Variants in RTN3 observed in about 807,000 individuals in gnomAD.
RTN3 encodes reticulon 3, also known as reticulon-3.
RTN3 carries 49 observed loss-of-function variants against 77.8 expected under a neutral mutation model. The observed-to-expected ratio is 0.63, with a 90% CI of 0.50 to 0.80. RTN3 has a LOEUF of 0.80. Ranked by LOEUF, RTN3 falls within the 30% of genes least tolerant of loss-of-function variation. RTN3 has a pLI of 0.00. For synonymous variants in RTN3, 464 were observed against 446.9 expected (o/e 1.04, Z -0.48); for missense variants, 1,236 against 1,211.9 (o/e 1.02, Z -0.29).
Position 63,704,849 on chromosome 11 carries a change from A to C in RTN3, c.143-2A>C, listed in dbSNP as rs1265541524. On this transcript the variant is annotated splice_acceptor_variant, in intron 1 of 8. Coordinates refer to ENST00000377819, the MANE Select transcript of RTN3 (RefSeq NM_001265589.2). LOFTEE classifies it high-confidence loss of function. ...ATTCTCATGCTGTATATTTTCTTTC[A>C]GATTCCTTTGTTTCTTCCTCTTCCT... The C allele has an allele frequency of 6.2e-6, 10 of 1,606,174 alleles. No individual in the cohort carries two copies. The highest frequency in any genetic ancestry group is 8.5e-6 in the Non-Finnish European group (10 of 1,173,246).
At chr11:63,744,659 A>T (rs2013692966) in intron 3 of RTN3, among the ~76,000 whole-genome samples, 1 of 152,160 alleles carries the variant, frequency 6.6e-6, no homozygotes, top group Admixed American at 6.6e-5. Flanking sequence ...ACTGTACTAT[A>T]CTCAGCCAGA....
chr11:63,715,278 C>T (rs2011325785), intron 2 of RTN3, among the ~76,000 whole-genome samples: 1 of 152,164 alleles, frequency 6.6e-6, no homozygotes, highest in African/African-American at 2.4e-5. Context: ...TCAATAAATA[C>T]CTGTTGAATT....
Position 63,684,839 on chromosome 11 carries a change from A to C in RTN3, c.142+3061A>C, listed in dbSNP as rs573083. ...CAGTGGTGTGATCTTGGCTCACTGC[A>C]ACCTCTGTCTCCTGGGCTCAAACCA... is the stretch of plus-strand genomic sequence containing the variant. On this transcript the variant is annotated intron_variant, in intron 1 of 8. Coordinates refer to ENST00000377819, the MANE Select transcript of RTN3 (RefSeq NM_001265589.2). Among the ~76,000 whole-genome samples the C allele has an allele frequency of 6.6e-3, 1,006 of 152,256 alleles. 11 individuals carry two copies. The highest frequency in any genetic ancestry group is 0.023 in the African/African-American group (952 of 41,560).
intron 3 of RTN3, among the ~76,000 whole-genome samples, chr11:63,737,080 C>A (rs1160450180): frequency 6.6e-6 from 1 of 151,940 alleles, no homozygotes; most frequent in Non-Finnish European, 1.5e-5. Flanking sequence ...GGGATCCTCC[C>A]ACCTCAGCCT....
chr11:63,716,377 C>T (rs772007584), intron 2 of RTN3, among the ~76,000 whole-genome samples: 9 of 152,228 alleles, frequency 5.9e-5, no homozygotes, highest in Non-Finnish European at 8.8e-5. Context: ...AAGAACTTCT[C>T]TGTCACATTT....
chr11:63,755,199 C>G (rs1015961614), intron 7 of RTN3, among the ~76,000 whole-genome samples: 8 of 152,056 alleles, frequency 5.3e-5, no homozygotes, highest in Admixed American at 2.0e-4. Context: ...CACACAGTTT[C>G]TAGTCATTGG....
chr11:63,727,762 C>T (rs920130999), intron 3 of RTN3, among the ~76,000 whole-genome samples: 1 of 152,058 alleles, frequency 6.6e-6, no homozygotes, highest in East Asian at 1.9e-4. Flanking sequence ...ATCACTTGAG[C>T]CCAGGAGTGC....
chr11:63,730,843 T>C (rs1425898202), intron 3 of RTN3, among the ~76,000 whole-genome samples: 2 of 152,000 alleles, frequency 1.3e-5, no homozygotes, highest in South Asian at 2.1e-4. Flanking sequence ...TAAGGAGATA[T>C]ATTGGCAATC....
chr11:63,688,835 T>TG (rs1431730930), intron 1 of RTN3, among the ~76,000 whole-genome samples: 1 of 152,156 alleles, frequency 6.6e-6, no homozygotes, highest in Admixed American at 6.5e-5. Context: ...CCTTGTAAAA[T>TG]GAAGTTTGGT....
intron 4 of RTN3, among the ~76,000 whole-genome samples, chr11:63,751,729 C>T (rs764169828): frequency 6.6e-6 from 1 of 152,110 alleles, no homozygotes; most frequent in Non-Finnish European, 1.5e-5. Context: ...CGGTGACTTA[C>T]GCATGTAGTC....
At chr11:63,713,516 G>T (rs1035358117) in intron 2 of RTN3, among the ~76,000 whole-genome samples, 3 of 151,976 alleles carry the variant, frequency 2.0e-5, no homozygotes, top group Non-Finnish European at 4.4e-5. Context: ...GCACTGTGTT[G>T]CCCAGGCTGG....
At chr11:63,730,718 G>C (rs1335905460) in intron 3 of RTN3, among the ~76,000 whole-genome samples, 1 of 152,146 alleles carries the variant, frequency 6.6e-6, no homozygotes, top group Non-Finnish European at 1.5e-5. Flanking sequence ...TACTCAGGAG[G>C]CTGAGGCGGA....
chr11:63,740,524 C>A (rs770867461), intron 3 of RTN3, among the ~76,000 whole-genome samples: 2 of 148,946 alleles, frequency 1.3e-5, no homozygotes, highest in Non-Finnish European at 3.0e-5. Flanking sequence ...ATCTCAAACT[C>A]CTGACCTCGT....
intron 3 of RTN3, among the ~76,000 whole-genome samples, chr11:63,735,836 A>G (rs746279858): frequency 1.3e-5 from 2 of 152,106 alleles, no homozygotes; most frequent in Non-Finnish European, 2.9e-5. Context: ...CACCAATTCT[A>G]ACATTTCTGT....
chr11:63,720,879 C>T lies in RTN3; in HGVS notation c.2377C>T (p.Leu793=), dbSNP rs143160052. Residue 793 remains leucine (L), a synonymous_variant, in exon 3 of 9, where the codon CTA becomes TTA. Transcript: ENST00000377819. ...ESWPQRSYDI[L]ERNVKNGSDL... ...TTGGCCACAGAGATCATATGACATC[C>T]TAGAACGTAATGTCAAGAATGGATC... The T allele has an allele frequency of 7.6e-4, 1,231 of 1,614,000 alleles. No homozygotes were observed. Among genetic ancestry groups the T allele is most frequent in the Non-Finnish European group, 9.9e-4 (1,165 of 1,179,982 alleles).
chr11:63,733,743 G>A (rs574628943), intron 3 of RTN3, among the ~76,000 whole-genome samples: 35 of 151,170 alleles, frequency 2.3e-4, no homozygotes, highest in Non-Finnish European at 3.1e-4. Context: ...TTAGCTGGGC[G>A]TGGTGGCGGT....
intron 3 of RTN3, among the ~76,000 whole-genome samples, chr11:63,721,717 T>C (rs1270093747): frequency 1.3e-5 from 2 of 152,216 alleles, no homozygotes; most frequent in Non-Finnish European, 2.9e-5. Flanking sequence ...AGCTTGTTTT[T>C]AAATCTCCAT....
At chr11:63,736,573 A>G (rs1383374436) in intron 3 of RTN3, among the ~76,000 whole-genome samples, 1 of 152,148 alleles carries the variant, frequency 6.6e-6, no homozygotes, top group Admixed American at 6.6e-5. Context: ...CTGTAGTCCC[A>G]GCTACTCGGG....
chr11:63,697,663 A>G (rs1942033711), intron 1 of RTN3, among the ~76,000 whole-genome samples: 2 of 151,770 alleles, frequency 1.3e-5, no homozygotes, highest in Admixed American at 1.3e-4. Flanking sequence ...TTTAGTAGAG[A>G]CAGGGTTTCA....
Sources: gnomAD v4.1 joint callset for allele counts (sites outside exome capture counted in the v4.1 genomes callset) on GRCh38, gnomAD v4.1.1 for gene constraint, MANE v1.5 for transcripts, NCBI Gene and HGNC (gene_info 2026-07-23, HGNC 2026-07-21) for gene names.